Variants in MRTFB observed in about 807,000 individuals in gnomAD.
MRTFB encodes myocardin related transcription factor B.
A neutral mutation model predicts 104.2 loss-of-function variants in MRTFB; 29 were observed. That is an observed-to-expected ratio of 0.28 (90% CI 0.21 to 0.38). The LOEUF (loss-of-function observed/expected upper bound fraction) is 0.38, where lower values mean the gene tolerates loss of function less well. Among genes scored for constraint, MRTFB ranks in the 10% least tolerant of loss-of-function variants. The probability of loss-of-function intolerance (pLI) is 1.00; values close to 1 mark genes in which losing one functional copy is unlikely to be tolerated. For missense variants in MRTFB, 1,270 were observed against 1,341.6 expected, an observed-to-expected ratio of 0.95 and a Z score of 0.83; for synonymous variants, 535 against 519.5, an observed-to-expected ratio of 1.03 and a Z score of -0.41.
chr16:14,140,487 G>C, intron 2 of MRTFB, 57 bp from the exon 3 acceptor site: 2 of 1,277,054 alleles, frequency 1.6e-6, no homozygotes, highest in South Asian at 2.9e-5. Flanking sequence ...TAATACTTTT[G>C]TGCAAATTGG....
At chr16:14,173,599 A>C (rs1435539731) in intron 3 of MRTFB, among the ~76,000 whole-genome samples, 2 of 152,192 alleles carry the variant, frequency 1.3e-5, no homozygotes, top group South Asian at 2.1e-4. Flanking sequence ...TTTCAGATTC[A>C]AAGTGTTTTT....
intron 8 of MRTFB, among the ~76,000 whole-genome samples, chr16:14,220,446 T>A (rs190973703): frequency 2.4e-4 from 36 of 152,324 alleles, no homozygotes; most frequent in Non-Finnish European, 4.3e-4. Flanking sequence ...TCATTTCACC[T>A]GCATGAAAGA....
Position 14,217,617 on chromosome 16 carries a change from T to C in MRTFB, c.514+330T>C, listed in dbSNP as rs144777201. On this transcript the variant is annotated intron_variant, in intron 7 of 16. Coordinates refer to ENST00000571589, the MANE Select transcript of MRTFB (RefSeq NM_001308142.2). The stretch of plus-strand genomic sequence containing the variant: ...TCTTGACTACAAATTGCCTAAGCTT[T>C]AAAGTCATACCAGTGCAAAATAGGA... 1.0e-3 allele frequency among the ~76,000 whole-genome samples: 156 copies of C among 152,312 alleles called. 2 individuals are homozygous for C. The highest frequency in any genetic ancestry group is 4.4e-3 in the East Asian group (23 of 5,184).
At chr16:14,080,222 C>CT (rs1456513954) in intron 2 of MRTFB, among the ~76,000 whole-genome samples, 3 of 152,222 alleles carry the variant, frequency 2.0e-5, no homozygotes, top group Non-Finnish European at 4.4e-5. Context: ...TGAGACATGG[C>CT]TTACCTGTCC....
At chr16:14,081,827 C>T (rs1042789855) in intron 2 of MRTFB, among the ~76,000 whole-genome samples, 6 of 152,186 alleles carry the variant, frequency 3.9e-5, no homozygotes, top group African/African-American at 9.7e-5. Context: ...GCAGTCCACC[C>T]GCCTCGGCTT....
intron 8 of MRTFB, among the ~76,000 whole-genome samples, chr16:14,230,545 CT>C (rs2042211794): frequency 6.6e-6 from 1 of 152,130 alleles, no homozygotes; most frequent in Admixed American, 6.5e-5. Flanking sequence ...CTCACCATCA[CT>C]GGCCATCAGA....
chr16:14,128,161 G>T (rs2037254220), intron 2 of MRTFB, among the ~76,000 whole-genome samples: 1 of 151,914 alleles, frequency 6.6e-6, no homozygotes, highest in Non-Finnish European at 1.5e-5. Flanking sequence ...AGGAAGTGAG[G>T]TAGTCTAAGG....
chr16:14,122,208 A>C (rs1220177318), intron 2 of MRTFB, among the ~76,000 whole-genome samples: 1 of 149,788 alleles, frequency 6.7e-6, no homozygotes, highest in Non-Finnish European at 1.5e-5. Context: ...TGTATCATGG[A>C]CATTTTCCCC....
intron 3 of MRTFB, among the ~76,000 whole-genome samples, chr16:14,159,583 C>CT (rs2038950817): frequency 6.6e-6 from 1 of 152,120 alleles, no homozygotes; most frequent in Admixed American, 6.5e-5. Context: ...GGGCAACAAT[C>CT]TTTATTACAT....
chr16:14,047,312 TA>T, the MRTFB span, among the ~76,000 whole-genome samples: 37 of 152,234 alleles, frequency 2.4e-4, no homozygotes, highest in African/African-American at 8.7e-4. Flanking sequence ...CTTATGGTCA[TA>T]GGATAGCTGG....
At chr16:14,196,123 G>C (rs1322131304) in intron 3 of MRTFB, among the ~76,000 whole-genome samples, 1 of 152,148 alleles carries the variant, frequency 6.6e-6, no homozygotes, top group African/African-American at 2.4e-5. Flanking sequence ...AAGGAGAAGG[G>C]AATTTGTGTG....
intron 8 of MRTFB, among the ~76,000 whole-genome samples, chr16:14,227,523 T>C (rs2042062455): frequency 6.6e-6 from 1 of 152,192 alleles, no homozygotes; most frequent in East Asian, 1.9e-4. Context: ...TTTTGTTTTG[T>C]TTTTTTGAGA....
At chr16:14,122,713 C>G (rs2036915974) in intron 2 of MRTFB, among the ~76,000 whole-genome samples, 1 of 152,148 alleles carries the variant, frequency 6.6e-6, no homozygotes, top group African/African-American at 2.4e-5. Context: ...GGGTTGGTTT[C>G]AAGTCTTTGC....
At chr16:14,076,686 CAG>C (rs1318299901) in intron 1 of MRTFB, among the ~76,000 whole-genome samples, 1 of 152,136 alleles carries the variant, frequency 6.6e-6, no homozygotes, top group Non-Finnish European at 1.5e-5. Flanking sequence ...GATTGCTGGT[CAG>C]TGGGCAATGC....
chr16:14,128,071 A>G (rs985094485), intron 2 of MRTFB, among the ~76,000 whole-genome samples: 5 of 151,458 alleles, frequency 3.3e-5, no homozygotes, highest in African/African-American at 9.7e-5. Flanking sequence ...ATTTATTCTC[A>G]AGGCTGCCGA....
intron 2 of MRTFB, among the ~76,000 whole-genome samples, chr16:14,119,640 AC>A (rs2036737515): frequency 6.6e-6 from 1 of 151,850 alleles, no homozygotes; most frequent in African/African-American, 2.4e-5. Flanking sequence ...AGTAGAGGGA[AC>A]CTTTTTTTGT....
intron 8 of MRTFB, among the ~76,000 whole-genome samples, chr16:14,228,926 A>T (rs889351459): frequency 1.3e-5 from 2 of 152,148 alleles, no homozygotes; most frequent in Non-Finnish European, 2.9e-5. Context: ...GGAATGTGGA[A>T]CCAGGGGGAC....
intron 1 of MRTFB, among the ~76,000 whole-genome samples, chr16:14,074,084 C>T (rs1232825507): frequency 6.6e-6 from 1 of 151,592 alleles, no homozygotes. Context: ...GTTGAATAGA[C>T]GAGTTGCTTC....
At chr16:14,062,547 A>G in the MRTFB span, among the ~76,000 whole-genome samples, 2 of 152,136 alleles carry the variant, frequency 1.3e-5, no homozygotes, top group African/African-American at 4.8e-5. Flanking sequence ...CAGCAGAGAA[A>G]GTTTGCCTCC....
Sources: gnomAD v4.1 joint callset for allele counts (sites outside exome capture counted in the v4.1 genomes callset) on GRCh38, gnomAD v4.1.1 for gene constraint, MANE v1.5 for transcripts, NCBI Gene and HGNC (gene_info 2026-07-23, HGNC 2026-07-21) for gene names.